Variants in UGT2B11 observed in about 807,000 individuals in gnomAD.
UGT2B11 encodes UDP glucuronosyltransferase family 2 member B11.
A neutral mutation model predicts 51.7 loss-of-function variants in UGT2B11; 49 were observed. That is an observed-to-expected ratio of 0.95 (90% CI 0.75 to 1.20). The LOEUF (loss-of-function observed/expected upper bound fraction) is 1.20, where lower values mean the gene tolerates loss of function less well. Ranked by LOEUF, UGT2B11 falls within the 50% of genes most tolerant of loss-of-function variation. UGT2B11 has a pLI of 0.00. For synonymous variants in UGT2B11, 273 were observed against 209.0 expected, an observed-to-expected ratio of 1.31 and a Z score of -2.64; for missense variants, 810 against 622.1, an observed-to-expected ratio of 1.30 and a Z score of -3.21.
chr4:69,215,838 C>A (rs1176806420), upstream of UGT2B11: 1 of 151,360 alleles, frequency 6.6e-6, no homozygotes, highest in Admixed American at 6.6e-5. Flanking sequence ...CACACTCCAA[C>A]AGACCCAAAA....
chr4:69,209,182 T>C (rs146625612), intron 2 of UGT2B11, among the ~76,000 whole-genome samples: 7,187 of 151,758 alleles, frequency 0.047, 189 homozygotes, highest in South Asian at 0.12. Context: ...ATTTATCATA[T>C]GGAATTGTAG....
the UGT2B11 span, among the ~76,000 whole-genome samples, chr4:69,222,054 A>G: frequency 2.6e-5 from 4 of 152,276 alleles, no homozygotes; most frequent in African/African-American, 9.6e-5. Flanking sequence ...ATTCCCTCTG[A>G]GCCACCAAGG....
At position 69,204,535 on chromosome 4, in the gene UGT2B11, T is replaced by C. The variant is rs769210589; in HGVS notation, c.1205A>G (p.Asn402Ser). The change falls in exon 5 of 6, where the codon AAC becomes AGC. Residue 402 changes from asparagine to serine, a missense_variant. Transcript: ENST00000446444. ...TCCCTTGGCCTTCATGTGAGCAATG[T>C]TATCAGGTTGATCAAAAAACAATGG... ...GIPLFFDQPDNIAHMKAKGAA... is the reference protein window; with the variant it reads ...GIPLFFDQPDSIAHMKAKGAA... 1.8e-5 allele frequency: 29 copies of C among 1,612,380 alleles called. No individual in the cohort carries two copies. Among genetic ancestry groups the C allele is most frequent in the Non-Finnish European group, 2.1e-5 (25 of 1,178,910 alleles).
At chr4:69,211,652 C>G (rs1383381155) in intron 2 of UGT2B11, among the ~76,000 whole-genome samples, 1 of 151,452 alleles carries the variant, frequency 6.6e-6, no homozygotes, top group African/African-American at 2.4e-5. Context: ...GGCACTATTT[C>G]TGTAAATGTG....
chr4:69,208,146 G>A (rs1387967825), intron 3 of UGT2B11, among the ~76,000 whole-genome samples: 1 of 151,444 alleles, frequency 6.6e-6, no homozygotes, highest in Non-Finnish European at 1.5e-5. Flanking sequence ...TGAATACCAA[G>A]GGTAGTAACT....
chr4:69,209,992 G>A (rs917282272), intron 2 of UGT2B11, among the ~76,000 whole-genome samples: 4 of 151,528 alleles, frequency 2.6e-5, no homozygotes, highest in African/African-American at 9.7e-5. Context: ...TAGAAAATAT[G>A]TATTTTTTAT....
intron 3 of UGT2B11, among the ~76,000 whole-genome samples, chr4:69,207,654 T>G (rs1721910317): frequency 6.6e-6 from 1 of 151,608 alleles, no homozygotes; most frequent in South Asian, 2.1e-4. Context: ...AGGATCCATC[T>G]CCATCCTTTC....
intron 2 of UGT2B11, among the ~76,000 whole-genome samples, 163 bp downstream of exon 2, chr4:69,212,410 G>A (rs1722100559): frequency 6.6e-6 from 1 of 151,588 alleles, no homozygotes; most frequent in African/African-American, 2.4e-5. Flanking sequence ...ACATACGTGT[G>A]ACGGTATTAA....
chr4:69,214,528 A>C lies in UGT2B11; in HGVS notation c.195T>G (p.Asp65Glu). The C allele has an allele frequency of 6.2e-7, 1 of 1,613,128 alleles. No homozygotes were observed. The highest frequency in any genetic ancestry group is 8.5e-7 in the Non-Finnish European group (1 of 1,179,464). The change falls in exon 1 of 6, where the codon GAT becomes GAG. Residue 65 changes from aspartate (D) to glutamate (E), a missense_variant. Coordinates refer to ENST00000446444, the MANE Select transcript of UGT2B11 (RefSeq NM_001073.3). ...ATTTAAGAGTGGATGCATCATTGGG[A>C]TCAAAAAGAATGGAAGCTGAAGATG... ...VLASSASILF[D>E]PNDASTLKFE...
At chr4:69,221,753 A>G in the UGT2B11 span, among the ~76,000 whole-genome samples, 1,720 of 131,808 alleles carry the variant, frequency 0.013, 22 homozygotes, top group African/African-American at 0.041. Context: ...TGAGAAGGCC[A>G]CACCAGTGTC....
chr4:69,200,289 T>C lies in UGT2B11; in HGVS notation c.*151A>G, dbSNP rs1410168491. ...GGTAAATCTCTGAAAAACAAATTTT[T>C]ACTTGACAAGGTAGATTTGAAAATT... On this transcript the variant is annotated 3_prime_UTR_variant, in exon 6 of 6. Transcript: ENST00000446444. The C allele has an allele frequency of 8.3e-7, 1 of 1,205,876 alleles. No homozygotes were observed. Among genetic ancestry groups the C allele is most frequent in the Non-Finnish European group, 1.1e-6 (1 of 935,486 alleles). 74.7% of individuals were successfully genotyped at this position (1,205,876 alleles called of 1,614,324 possible).
chr4:69,202,540 G>A (rs768059911), intron 5 of UGT2B11, among the ~76,000 whole-genome samples: 16 of 151,378 alleles, frequency 1.1e-4, no homozygotes, highest in South Asian at 2.1e-4. Flanking sequence ...AATATTTGAC[G>A]TACTCTAGGA....
chr4:69,212,540 C>T (rs1427814220), intron 2 of UGT2B11, 33 bp downstream of exon 2: 1 of 1,590,672 alleles, frequency 6.3e-7, no homozygotes, highest in Middle Eastern at 1.9e-4. Flanking sequence ...AACTTCGAAG[C>T]CAACAAAATA....
intron 2 of UGT2B11, among the ~76,000 whole-genome samples, chr4:69,210,525 G>A (rs1560539590): frequency 6.6e-6 from 1 of 151,536 alleles, no homozygotes; most frequent in Admixed American, 6.6e-5. Flanking sequence ...AAAGCTTTCT[G>A]CAAGTTAATA....
chr4:69,203,325 C>T (rs74658956), intron 5 of UGT2B11, among the ~76,000 whole-genome samples: 11,451 of 151,566 alleles, frequency 0.076, 564 homozygotes, highest in Middle Eastern at 0.11. Flanking sequence ...ATTTTAAACC[C>T]TCTAAGAAGG....
rs116718943 is a variant in UGT2B11 at position 69,213,322 on chromosome 4, A to G, written c.722-601T>C. ...ATTATTGAAATAGAGAACTGTACTCAACCTTAATCTGTCTCATATTTTTAA... is the reference window on the plus strand; with the variant it reads ...ATTATTGAAATAGAGAACTGTACTCGACCTTAATCTGTCTCATATTTTTAA... On this transcript the variant is annotated intron_variant, in intron 1 of 5. Transcript: ENST00000446444. Among the ~76,000 whole-genome samples, 1,099 of 151,912 alleles carry G rather than the reference A, an allele frequency of 7.2e-3. 12 individuals carry two copies. The highest frequency in any genetic ancestry group is 0.025 in the African/African-American group (1,019 of 41,518).
At position 69,214,201 on chromosome 4, in the gene UGT2B11, A is replaced by G. The variant is rs560973681; in HGVS notation, c.522T>C (p.Phe174=). The change falls in exon 1 of 6, where the codon TTT becomes TTC. Residue 174 remains phenylalanine (F), a synonymous_variant. Coordinates refer to ENST00000446444, the MANE Select transcript of UGT2B11 (RefSeq NM_001073.3). ...LNIRFVYSLR[F]TPGYTIERHS... Reference sequence around the variant, plus strand: ...GCCTTTCAATTGTGTAGCCAGGAGTAAAGCGGAGACTGTACACAAACCGTA... The same window carrying G: ...GCCTTTCAATTGTGTAGCCAGGAGTGAAGCGGAGACTGTACACAAACCGTA... 3.1e-6 allele frequency: 5 copies of G among 1,613,106 alleles called. No homozygotes were observed. In the East Asian group the frequency reaches 6.7e-5, roughly 22 times the overall value.
intron 5 of UGT2B11, among the ~76,000 whole-genome samples, chr4:69,204,029 A>G (rs1296477136): frequency 6.6e-6 from 1 of 151,664 alleles, no homozygotes; most frequent in East Asian, 1.9e-4. Flanking sequence ...TGTTAAAATA[A>G]TGATGATAAA....
chr4:69,209,973 T>G (rs1397516919), intron 2 of UGT2B11, among the ~76,000 whole-genome samples: 3 of 151,674 alleles, frequency 2.0e-5, no homozygotes, highest in African/African-American at 7.2e-5. Flanking sequence ...TACCTAGAGA[T>G]ATTATTTATA....
Sources: allele counts gnomAD v4.1 joint callset (sites outside exome capture counted in the v4.1 genomes callset), GRCh38; gene constraint gnomAD v4.1.1; transcripts MANE v1.5; gene names NCBI Gene and HGNC (gene_info 2026-07-23, HGNC 2026-07-21).